The following NUP133 variants were observed in gnomAD, a reference collection of about 807,000 sequenced individuals.
The protein encoded by NUP133 is nucleoporin 133.
NUP133 carries 66 observed loss-of-function variants against 146.2 expected under a neutral mutation model. The ratio of observed to expected loss-of-function variants is 0.45; its 90% confidence interval spans 0.37 to 0.55. The LOEUF (loss-of-function observed/expected upper bound fraction) is 0.55, where lower values mean the gene tolerates loss of function less well. NUP133 is among the 20% of genes least tolerant of loss of function. The pLI is 0.00. For synonymous variants in NUP133, 521 were observed against 498.8 expected, an observed-to-expected ratio of 1.04 and a Z score of -0.59; for missense variants, 1,277 against 1,374.8, an observed-to-expected ratio of 0.93 and a Z score of 1.12.
chr1:229,450,328 G>A (rs568379717), intron 23 of NUP133, among the ~76,000 whole-genome samples, 197 bp downstream of exon 23: 1 of 152,336 alleles, frequency 6.6e-6, no homozygotes, highest in South Asian at 2.1e-4. Flanking sequence ...GAATGTGTGA[G>A]AATTATCACA....
chr1:229,487,426 A>G (rs1295261653), intron 10 of NUP133, 40 bp downstream of exon 10: 29 of 1,590,414 alleles, frequency 1.8e-5, no homozygotes, highest in Non-Finnish European at 2.3e-5. Flanking sequence ...AGAATGACTA[A>G]TGAGCTCACC....
intron 21 of NUP133, among the ~76,000 whole-genome samples, chr1:229,455,505 G>A (rs1202337869): frequency 6.6e-6 from 1 of 152,182 alleles, no homozygotes; most frequent in African/African-American, 2.4e-5. Flanking sequence ...AGGCTGCAGT[G>A]AGCCATGATT....
intron 23 of NUP133, among the ~76,000 whole-genome samples, chr1:229,450,060 A>AT (rs1282037804): frequency 6.9e-5 from 9 of 129,694 alleles, no homozygotes; most frequent in Non-Finnish European, 1.2e-4. Context: ...TTTTTTTTGT[A>AT]TTTTTTTGTA....
At chr1:229,463,415 TCATCA>T in intron 19 of NUP133, 123 bp downstream of exon 19, 1 of 1,051,820 alleles carries the variant, frequency 9.5e-7, no homozygotes, top group Non-Finnish European at 1.3e-6. Flanking sequence ...TAGTATCTTC[TCATCA>T]AAGTTAACTA....
chr1:229,453,305 T>A (rs1228357622), intron 21 of NUP133, among the ~76,000 whole-genome samples: 2 of 152,130 alleles, frequency 1.3e-5, no homozygotes, highest in Admixed American at 1.3e-4. Context: ...TATATTGAAA[T>A]GGGGATAGCC....
At chr1:229,496,337 G>C (rs942681013) in intron 6 of NUP133, among the ~76,000 whole-genome samples, 3 of 152,136 alleles carry the variant, frequency 2.0e-5, no homozygotes, top group African/African-American at 7.2e-5. Context: ...AGCCGGGTGT[G>C]GTGGCACACG....
At position 229,440,605 on chromosome 1, in the gene NUP133, G is replaced by A. The variant is rs1461209418; in HGVS notation, c.*1299C>T. On this transcript the variant is annotated 3_prime_UTR_variant, in exon 26 of 26. Coordinates refer to ENST00000261396, the MANE Select transcript of NUP133 (RefSeq NM_018230.3). ...GTGAACACTGACAGCTGACCTCCAC[G>A]TAAAAGCAAAGCCTCATCTTACGAT... 2.0e-5 allele frequency: 3 copies of A among 152,380 alleles called. No individual in the cohort carries two copies. Among genetic ancestry groups the A allele is most frequent in the East Asian group, 1.9e-4 (1 of 5,188 alleles). 9.4% of individuals were successfully genotyped at this position (152,380 alleles called of 1,614,324 possible).
chr1:229,490,215 A>G (rs1182095297), intron 8 of NUP133, 113 bp from the exon 9 acceptor site: 1 of 880,614 alleles, frequency 1.1e-6, no homozygotes, highest in Admixed American at 3.7e-5. Flanking sequence ...GTGGACACCT[A>G]TCCAAGAGAA....
intron 22 of NUP133, among the ~76,000 whole-genome samples, chr1:229,451,425 C>T (rs575273674): frequency 2.0e-5 from 3 of 152,086 alleles, no homozygotes; most frequent in Non-Finnish European, 4.4e-5. Context: ...TTGAGACCTA[C>T]AATAAAGTGT....
intron 15 of NUP133, among the ~76,000 whole-genome samples, chr1:229,469,185 C>T (rs2102761432): frequency 6.6e-6 from 1 of 152,326 alleles, no homozygotes; most frequent in East Asian, 1.9e-4. Context: ...GAAGAGCTGG[C>T]CCTGTTTCTA....
At chr1:229,505,036 C>G (rs989276309) in intron 2 of NUP133, among the ~76,000 whole-genome samples, 8 of 152,164 alleles carry the variant, frequency 5.3e-5, no homozygotes, top group African/African-American at 1.9e-4. Flanking sequence ...GATTTATACA[C>G]AGACCTTTTC....
chr1:229,506,821 T>A (rs1218393101), intron 1 of NUP133, among the ~76,000 whole-genome samples: 20 of 131,248 alleles, frequency 1.5e-4, no homozygotes, highest in East Asian at 2.2e-4. Context: ...CCTGTCTCTT[T>A]AAAAAAAAAA....
chr1:229,480,731 C>T (rs1181815855), intron 12 of NUP133, among the ~76,000 whole-genome samples: 1 of 152,030 alleles, frequency 6.6e-6, no homozygotes, highest in Admixed American at 6.6e-5. Flanking sequence ...TACAATGCAC[C>T]GCTGGAGTGC....
In NUP133 at chr1:229,490,014, C is replaced by T; in HGVS notation, c.1135G>A (p.Gly379Ser). Reference protein sequence around the residue: ...YYSLITIEDNGCQMSDAVTVE... With the variant: ...YYSLITIEDNSCQMSDAVTVE... ...GTAACTGCATCTGACATTTGGCAAC[C>T]ATTATCTTCTATTGTTATCAGAGAG... The change falls in exon 9 of 26, where the codon GGT becomes AGT. Residue 379 changes from glycine to serine, a missense_variant. By Grantham distance (56) the Gly-to-Ser change is moderately conservative (BLOSUM62 0). Coordinates refer to ENST00000261396, the MANE Select transcript of NUP133 (RefSeq NM_018230.3). 6.2e-7 allele frequency: 1 copy of T among 1,611,324 alleles called. No individual in the cohort carries two copies. Among genetic ancestry groups the T allele is most frequent in the Non-Finnish European group, 8.5e-7 (1 of 1,178,254 alleles).
At chr1:229,491,384 C>A (rs183202900) in intron 8 of NUP133, among the ~76,000 whole-genome samples, 5 of 152,302 alleles carry the variant, frequency 3.3e-5, no homozygotes, top group Non-Finnish European at 7.4e-5. Flanking sequence ...ATGGCTCACA[C>A]CTGTAATCCC....
intron 12 of NUP133, 76 bp from the exon 13 acceptor site, chr1:229,477,836 T>C: frequency 8.8e-7 from 1 of 1,136,678 alleles, no homozygotes; most frequent in Non-Finnish European, 1.3e-6. Context: ...AAATTAATTA[T>C]GGACTACTAT....
At position 229,460,666 on chromosome 1, in the gene NUP133, T is replaced by C. The variant is rs1424349327; in HGVS notation, c.2789A>G (p.Gln930Arg). ...TAACCAGCTGAGATGTTCATGAGCT[T>C]GCAAAAAATTTGCCAACTGTCCATG... Reference protein sequence around the residue: ...SQHGQLANFLQAHEHLSWLHE... With the variant: ...SQHGQLANFLRAHEHLSWLHE... Residue 930 changes from glutamine (Q) to arginine (R), a missense_variant, in exon 20 of 26, where the codon CAA becomes CGA. Physicochemically the swap from Gln to Arg is conservative, Grantham distance 43. This residue lies in a region of NUP133 where 952 missense variants were observed against 1,047.0 expected (regional missense o/e 0.91). Coordinates refer to ENST00000261396, the MANE Select transcript of NUP133 (RefSeq NM_018230.3). 2.5e-6 allele frequency: 4 copies of C among 1,614,032 alleles called. No individual in the cohort carries two copies. The highest frequency in any genetic ancestry group is 4.5e-5 in the East Asian group (2 of 44,878).
chr1:229,466,738 T>C lies in NUP133; in HGVS notation c.2095A>G (p.Ile699Val), dbSNP rs1213129457. 6.2e-7 allele frequency: 1 copy of C among 1,613,924 alleles called. No homozygotes were observed. Among genetic ancestry groups the C allele is most frequent in the Non-Finnish European group, 8.5e-7 (1 of 1,179,964 alleles). Residue 699 changes from isoleucine (I) to valine (V), a missense_variant, in exon 16 of 26, where the codon ATC becomes GTC. Around this residue, in one of 3 missense-constraint regions of NUP133, gnomAD observed 952 missense variants for 1,047.0 expected, o/e 0.91. Coordinates refer to ENST00000261396, the MANE Select transcript of NUP133 (RefSeq NM_018230.3). ...TCATGCTCCAGTAAGCACTCACAGATGGTATCTACTTGGGATACCTGAGAG... is the reference window on the plus strand; with the variant it reads ...TCATGCTCCAGTAAGCACTCACAGACGGTATCTACTTGGGATACCTGAGAG... The part of the protein sequence containing the change: ...FFREVSQVDT[I>V]CECLLEHEEQ...
intron 4 of NUP133, among the ~76,000 whole-genome samples, 167 bp from the exon 5 acceptor site, chr1:229,499,985 G>A (rs1003860212): frequency 6.6e-6 from 1 of 152,220 alleles, no homozygotes; most frequent in Non-Finnish European, 1.5e-5. Flanking sequence ...AATGGCTAAT[G>A]ATGCTGAACA....
Sources: gnomAD v4.1 joint callset for allele counts (sites outside exome capture counted in the v4.1 genomes callset) on GRCh38, gnomAD v4.1.1 for gene constraint, gnomAD v4.1.1 regional missense constraint, MANE v1.5 for transcripts, NCBI Gene and HGNC (gene_info 2026-07-23, HGNC 2026-07-21) for gene names.